BAALC: variants seen among roughly 807,000 people sequenced by gnomAD.
BAALC encodes brain and acute leukemia cytoplasmic protein.
A neutral mutation model predicts 15.5 loss-of-function variants in BAALC; 9 were observed. The observed-to-expected ratio is 0.58, with a 90% CI of 0.35 to 1.02. BAALC has a LOEUF of 1.02. Ranked by LOEUF, BAALC falls within the 50% of genes least tolerant of loss-of-function variation. BAALC has a pLI of 0.02. For missense variants in BAALC, 201 were observed against 192.4 expected, an observed-to-expected ratio of 1.04 and a Z score of -0.27; for synonymous variants, 80 against 74.6, an observed-to-expected ratio of 1.07 and a Z score of -0.37.
At chr8:103,211,020 A>AT (rs144181519) in intron 1 of BAALC, among the ~76,000 whole-genome samples, 1,788 of 151,452 alleles carry the variant, frequency 0.012, 33 homozygotes, top group African/African-American at 0.04. Context: ...CTCACTCTTG[A>AT]TTTTTTTTTC....
At chr8:103,213,424 G>C (rs940815150) in intron 2 of BAALC, 1 of 183,952 alleles carries the variant, frequency 5.4e-6, no homozygotes, top group African/African-American at 2.3e-5. Context: ...CTCAGGGGTT[G>C]GCAGGGTGGG....
In BAALC at chr8:103,172,701, T is replaced by TCACTCAC. The variant is rs1318317193; in HGVS notation, c.160+31644_160+31645insCACTCAC. ...TGAGCCACCATGCCCAGCCTCTGGC[T>TCACTCAC]TGTTTTTCACTCACTGAGGTAGAGC... On this transcript the variant is annotated intron_variant, in intron 1 of 2. Transcript: ENST00000309982. 6.6e-5 allele frequency among the ~76,000 whole-genome samples: 10 copies of TCACTCAC among 152,308 alleles called. No homozygotes were observed. The East Asian group carries it at 1.9e-3, about 29-fold the overall frequency.
At chr8:103,144,739 C>A (rs2515191) in intron 1 of BAALC, among the ~76,000 whole-genome samples, 96,530 of 152,136 alleles carry the variant, frequency 0.63, 30,784 homozygotes, top group African/African-American at 0.69. Flanking sequence ...ATTGCTAAAT[C>A]ATTGTCTTAG....
At chr8:103,192,056 GTTA>G (rs1222232289) in intron 1 of BAALC, among the ~76,000 whole-genome samples, 3 of 152,004 alleles carry the variant, frequency 2.0e-5, no homozygotes, top group Non-Finnish European at 4.4e-5. Flanking sequence ...TATTATTATT[GTTA>G]TTATTATTTG....
At position 103,229,676 on chromosome 8, in the gene BAALC, T is replaced by C. The variant is rs1812882190; in HGVS notation, c.*1577T>C. On this transcript the variant is annotated 3_prime_UTR_variant, in exon 3 of 3. Coordinates refer to ENST00000309982, the MANE Select transcript of BAALC (RefSeq NM_024812.3). ...AGGTATAGTGTGTGTTGCAAATCACTCTGCAATGGAAACTTTTATATTCAG... is the reference window on the plus strand; with the variant it reads ...AGGTATAGTGTGTGTTGCAAATCACCCTGCAATGGAAACTTTTATATTCAG... 1.3e-5 allele frequency: 2 copies of C among 152,200 alleles called. No individual in the cohort carries two copies. The highest frequency in any genetic ancestry group is 1.5e-5 in the Non-Finnish European group (1 of 68,044). 9.4% of individuals were successfully genotyped at this position (152,200 alleles called of 1,614,324 possible).
At chr8:103,152,438 C>A (rs1811006593) in intron 1 of BAALC, among the ~76,000 whole-genome samples, 1 of 152,208 alleles carries the variant, frequency 6.6e-6, no homozygotes. Context: ...CAGATGTCAC[C>A]TCCTCAGAGA....
At chr8:103,141,255 G>T (rs1199620437) in intron 1 of BAALC, 198 bp downstream of exon 1, 37 of 568,492 alleles carry the variant, frequency 6.5e-5, no homozygotes, top group Non-Finnish European at 8.0e-5. Flanking sequence ...GCCCCTTACC[G>T]AAGGCTGCGC....
intron 1 of BAALC, among the ~76,000 whole-genome samples, chr8:103,203,609 T>C (rs1011860084): frequency 6.6e-6 from 1 of 152,168 alleles, no homozygotes; most frequent in East Asian, 1.9e-4. Flanking sequence ...CCCCCAGCCC[T>C]ACATAACCAC....
chr8:103,200,186 AG>A (rs1192164483), intron 1 of BAALC, among the ~76,000 whole-genome samples: 9 of 152,218 alleles, frequency 5.9e-5, no homozygotes, highest in African/African-American at 2.2e-4. Context: ...TTATTATTAA[AG>A]GGTCAAAAAA....
At chr8:103,188,788 C>T (rs1424967057) in intron 1 of BAALC, among the ~76,000 whole-genome samples, 1 of 152,164 alleles carries the variant, frequency 6.6e-6, no homozygotes, top group East Asian at 1.9e-4. Context: ...ATGTATTCAA[C>T]AGTGAGAAAG....
chr8:103,208,105 T>C (rs1269326238), intron 1 of BAALC: 1 of 152,248 alleles, frequency 6.6e-6, no homozygotes, highest in Non-Finnish European at 1.5e-5. Flanking sequence ...CTTAGCTGGT[T>C]GTGTGACTCA....
chr8:103,164,643 C>T (rs1811305530), intron 1 of BAALC, among the ~76,000 whole-genome samples: 1 of 152,114 alleles, frequency 6.6e-6, no homozygotes, highest in Non-Finnish European at 1.5e-5. Flanking sequence ...CTCACTAGGC[C>T]TGCCCTTTCC....
intron 1 of BAALC, among the ~76,000 whole-genome samples, chr8:103,163,249 C>T (rs908143093): frequency 6.6e-6 from 1 of 152,118 alleles, no homozygotes; most frequent in Non-Finnish European, 1.5e-5. Context: ...CCATGCTCTA[C>T]CCACGTCTCT....
chr8:103,158,459 C>A (rs1811149581), intron 1 of BAALC, among the ~76,000 whole-genome samples: 1 of 152,130 alleles, frequency 6.6e-6, no homozygotes, highest in Admixed American at 6.6e-5. Flanking sequence ...AACTTTCATA[C>A]TTTATTTTAA....
chr8:103,203,464 T>C (rs986691069), intron 1 of BAALC, among the ~76,000 whole-genome samples: 1 of 152,238 alleles, frequency 6.6e-6, no homozygotes, highest in East Asian at 1.9e-4. Flanking sequence ...AATTGACCCA[T>C]TTAAAGCATA....
chr8:103,198,969 A>G (rs1378503304), intron 1 of BAALC, among the ~76,000 whole-genome samples: 1 of 152,200 alleles, frequency 6.6e-6, no homozygotes, highest in African/African-American at 2.4e-5. Flanking sequence ...ATGTATTTCT[A>G]TCTATATAAG....
intron 1 of BAALC, among the ~76,000 whole-genome samples, chr8:103,194,647 A>G (rs1342401993): frequency 6.6e-6 from 1 of 152,226 alleles, no homozygotes; most frequent in African/African-American, 2.4e-5. Context: ...TGGGTCATTT[A>G]TAAATTAAAC....
At chr8:103,161,959 T>TG (rs1811235205) in intron 1 of BAALC, among the ~76,000 whole-genome samples, 2 of 151,188 alleles carry the variant, frequency 1.3e-5, no homozygotes, top group South Asian at 2.1e-4. Flanking sequence ...TCTTTGTTTG[T>TG]TTTTTGTTTT....
chr8:103,186,017 A>T (rs1811827267), intron 1 of BAALC, among the ~76,000 whole-genome samples: 1 of 152,176 alleles, frequency 6.6e-6, no homozygotes, highest in Non-Finnish European at 1.5e-5. Context: ...ACTGTGGCCC[A>T]CATTGCCCAT....
Sources: allele counts gnomAD v4.1 joint callset (sites outside exome capture counted in the v4.1 genomes callset), GRCh38; gene constraint gnomAD v4.1.1; transcripts MANE v1.5; gene names NCBI Gene and HGNC (gene_info 2026-07-23, HGNC 2026-07-21).